The following CADM1 variants were observed in gnomAD, a reference collection of about 807,000 sequenced individuals.
The protein encoded by CADM1 is cell adhesion molecule 1, also known as TSLC-1.
Under a neutral mutation model 53.1 loss-of-function variants are expected in CADM1, and 15 were observed. The observed-to-expected ratio is 0.28, with a 90% CI of 0.19 to 0.44. The LOEUF is 0.44. Among genes scored for constraint, CADM1 ranks in the 20% least tolerant of loss-of-function variants. The pLI, the probability that CADM1 is intolerant of heterozygous loss-of-function variation, is 1.00. For synonymous variants in CADM1, 281 were observed against 243.0 expected, an observed-to-expected ratio of 1.16 and a Z score of -1.45; for missense variants, 434 against 611.3, an observed-to-expected ratio of 0.71 and a Z score of 3.06.
chr11:115,276,386 C>T (rs1943444917), intron 1 of CADM1, among the ~76,000 whole-genome samples: 1 of 152,160 alleles, frequency 6.6e-6, no homozygotes, highest in Non-Finnish European at 1.5e-5. Context: ...AAAGAGACAG[C>T]ATATGGGAGA....
intron 1 of CADM1, among the ~76,000 whole-genome samples, chr11:115,369,890 A>T (rs1439428198): frequency 6.6e-6 from 1 of 152,222 alleles, no homozygotes; most frequent in East Asian, 1.9e-4. Context: ...CACGGAAAAA[A>T]GACTTAGCAC....
chr11:115,181,391 T>C (rs1230194967), intron 10 of CADM1, among the ~76,000 whole-genome samples: 1 of 152,218 alleles, frequency 6.6e-6, no homozygotes, highest in Non-Finnish European at 1.5e-5. Context: ...TTAGATGTTC[T>C]AGTTATCTTC....
chr11:115,320,496 A>T lies in CADM1; in HGVS notation c.125-80076T>A, dbSNP rs900518971. ...GTCAGAATCTTGAATAATTTATAGG[A>T]TAAAATCAGTTATTATTTTGAATTT... On this transcript the variant is annotated intron_variant, in intron 1 of 11. Coordinates refer to ENST00000331581, the MANE Select transcript of CADM1 (RefSeq NM_001301043.2). 1.6e-4 allele frequency among the ~76,000 whole-genome samples: 24 copies of T among 152,268 alleles called. No individual in the cohort carries two copies. The Middle Eastern group carries it at 0.01, about 65-fold the overall frequency.
At chr11:115,287,936 A>T (rs1943774186) in intron 1 of CADM1, among the ~76,000 whole-genome samples, 1 of 152,194 alleles carries the variant, frequency 6.6e-6, no homozygotes, top group Middle Eastern at 3.2e-3. Context: ...AGACAATAAC[A>T]TCATTATGTC....
chr11:115,438,364 T>G (rs568118709), intron 1 of CADM1, among the ~76,000 whole-genome samples: 1 of 152,236 alleles, frequency 6.6e-6, no homozygotes, highest in African/African-American at 2.4e-5. Context: ...GCAGCAGCAG[T>G]ATAATGCTGA....
chr11:115,236,551 A>C (rs1942017495), intron 3 of CADM1, among the ~76,000 whole-genome samples: 1 of 152,246 alleles, frequency 6.6e-6, no homozygotes, highest in Non-Finnish European at 1.5e-5. Context: ...CAAAAGGATT[A>C]CAGGCATAAT....
chr11:115,479,794 A>G lies in CADM1; in HGVS notation c.124+24477T>C, dbSNP rs549337628. Among the ~76,000 whole-genome samples the G allele has an allele frequency of 2.0e-5, 3 of 152,268 alleles. No individual in the cohort carries two copies. In the South Asian group the frequency reaches 6.2e-4, roughly 32 times the overall value. Reference sequence around the variant, plus strand: ...TCTGTGTTTATCCAAAAGACATTCTATTTTCTGCTTCTTAGTTCTTGTCTA... The same window carrying G: ...TCTGTGTTTATCCAAAAGACATTCTGTTTTCTGCTTCTTAGTTCTTGTCTA... On this transcript the variant is annotated intron_variant, in intron 1 of 11. Coordinates refer to ENST00000331581, the MANE Select transcript of CADM1 (RefSeq NM_001301043.2).
At chr11:115,218,032 T>C (rs1372237836) in intron 5 of CADM1, 41 bp from the exon 6 acceptor site, 1 of 1,441,768 alleles carries the variant, frequency 6.9e-7, no homozygotes, top group Admixed American at 1.7e-5. Flanking sequence ...TAGCAAATGA[T>C]ATCATCAGGC....
intron 1 of CADM1, among the ~76,000 whole-genome samples, chr11:115,268,098 T>C (rs576962088): frequency 2.6e-4 from 40 of 152,296 alleles, no homozygotes; most frequent in Non-Finnish European, 4.6e-4. Flanking sequence ...TTTCCAGTAG[T>C]GTTGATGGGT....
chr11:115,436,439 T>A (rs1315824891), intron 1 of CADM1, among the ~76,000 whole-genome samples: 2 of 152,190 alleles, frequency 1.3e-5, no homozygotes, highest in African/African-American at 4.8e-5. Context: ...TTACTGGATT[T>A]TGTTTTGGGG....
chr11:115,222,960 G>T lies in CADM1; in HGVS notation c.722-4969C>A, dbSNP rs548029074. On this transcript the variant is annotated intron_variant, in intron 5 of 11. Coordinates refer to ENST00000331581, the MANE Select transcript of CADM1 (RefSeq NM_001301043.2). Reference sequence around the variant, plus strand: ...ATCTTCCCTCTGTAACAAGAGAGGGGTTTTTTTGTTTTGTTTTGTTCTGTT... The same window carrying T: ...ATCTTCCCTCTGTAACAAGAGAGGGTTTTTTTTGTTTTGTTTTGTTCTGTT... 2.3e-3 allele frequency among the ~76,000 whole-genome samples: 347 copies of T among 152,160 alleles called. 1 individual carries two copies. Among genetic ancestry groups the T allele is most frequent in the Middle Eastern group, 0.017 (5 of 294 alleles).
rs181476522 is a variant in CADM1 at position 115,169,425 on chromosome 11, G to A, written c.*7049C>T. The stretch of plus-strand genomic sequence containing the variant: ...GTTAAGAATCAAGCCATCAAGAACA[G>A]CTGTGAATGTTATACAATTTCAGCA... On this transcript the variant is annotated 3_prime_UTR_variant, in exon 12 of 12. Transcript: ENST00000331581. 2 of 368,758 alleles carry A rather than the reference G, an allele frequency of 5.4e-6. No individual in the cohort carries two copies. Among genetic ancestry groups the A allele is most frequent in the African/African-American group, 2.1e-5 (1 of 47,154 alleles). 22.8% of individuals were successfully genotyped at this position (368,758 alleles called of 1,614,324 possible).
chr11:115,354,563 G>C (rs1945815359), intron 1 of CADM1, among the ~76,000 whole-genome samples: 1 of 152,186 alleles, frequency 6.6e-6, no homozygotes, highest in African/African-American at 2.4e-5. Flanking sequence ...GCCCTGATGG[G>C]AGCATTGGAG....
chr11:115,231,933 C>A (rs962605768), intron 3 of CADM1, among the ~76,000 whole-genome samples: 1 of 151,994 alleles, frequency 6.6e-6, no homozygotes, highest in Non-Finnish European at 1.5e-5. Flanking sequence ...TTACAGTGAG[C>A]CGAGATCGTG....
rs934091065 is a variant in CADM1, at chr11:115,177,764, T to C, written c.1297+880A>G. Among the ~76,000 whole-genome samples, 17 of 151,540 alleles carry C rather than the reference T, an allele frequency of 1.1e-4. 1 individual carries two copies. The highest frequency in any genetic ancestry group is 4.1e-4 in the African/African-American group (17 of 41,262). ...GGCGAAGTATGGACAGCTCTGATCG[T>C]CCTAAACTGTTTTATGCTTGAGACA... On this transcript the variant is annotated intron_variant, in intron 11 of 11. Transcript: ENST00000331581.
rs1326990539 is a variant in CADM1, at chr11:115,172,730, T to A, written c.*3744A>T. 8.8e-5 allele frequency: 3 copies of A among 34,114 alleles called. No homozygotes were observed. The East Asian group carries it at 2.7e-3, about 31-fold the overall frequency. The allele number at this position is 34,114 out of a possible 1,614,324, so 2.1% of individuals were successfully genotyped here. On this transcript the variant is annotated 3_prime_UTR_variant, in exon 12 of 12. Coordinates refer to ENST00000331581, the MANE Select transcript of CADM1 (RefSeq NM_001301043.2). ...GCTCAATAACTGCATATCTGATTTTTTTTTTTTTTTTTTTTTTTTTTTTTT... is the reference window on the plus strand; with the variant it reads ...GCTCAATAACTGCATATCTGATTTTATTTTTTTTTTTTTTTTTTTTTTTTT...
intron 1 of CADM1, among the ~76,000 whole-genome samples, chr11:115,327,521 T>G (rs1026820774): frequency 4.1e-5 from 2 of 49,358 alleles, no homozygotes; most frequent in Admixed American, 2.3e-4. Flanking sequence ...TACATAAGAG[T>G]TTTTTTTTTA....
intron 1 of CADM1, among the ~76,000 whole-genome samples, chr11:115,324,310 C>T (rs918027950): frequency 6.6e-6 from 1 of 152,086 alleles, no homozygotes; most frequent in African/African-American, 2.4e-5. Context: ...TTTTTAACTA[C>T]CTAACATTTT....
intron 1 of CADM1, among the ~76,000 whole-genome samples, chr11:115,404,548 A>C (rs1947263670): frequency 6.7e-6 from 1 of 149,846 alleles, no homozygotes; most frequent in Admixed American, 6.6e-5. Flanking sequence ...CATAAAGGAA[A>C]AGATTGAGTT....
Sources: allele counts gnomAD v4.1 joint callset (sites outside exome capture counted in the v4.1 genomes callset), GRCh38; gene constraint gnomAD v4.1.1; transcripts MANE v1.5; gene names NCBI Gene and HGNC (gene_info 2026-07-23, HGNC 2026-07-21).